ZBED4: variants seen among roughly 807,000 people sequenced by gnomAD.
ZBED4 encodes the protein zinc finger BED-type containing 4, also known as zinc finger BED domain-containing protein 4.
A neutral mutation model predicts 15.5 loss-of-function variants in ZBED4; 4 were observed. The observed-to-expected ratio is 0.26, with a 90% CI of 0.13 to 0.59. ZBED4 has a LOEUF of 0.59. Ranked by LOEUF, ZBED4 falls within the 20% of genes least tolerant of loss-of-function variation. The probability of loss-of-function intolerance (pLI) is 0.90; values close to 1 mark genes in which losing one functional copy is unlikely to be tolerated. For missense variants in ZBED4, 1,323 were observed against 1,461.8 expected, an observed-to-expected ratio of 0.91 and a Z score of 1.55; for synonymous variants, 692 against 608.5, an observed-to-expected ratio of 1.14 and a Z score of -2.02.
rs1196785501 is a variant in ZBED4, at chr22:49,885,122, GGAA to G, written c.1465_1467del (p.Lys489del). Reference sequence around the variant, plus strand: ...TACTGCGGCTGTGCCATCAGCCGGGGGAAGAAGGGTGATGTGGGCACCAGCTGC... The same window carrying G: ...TACTGCGGCTGTGCCATCAGCCGGGGGAAGGGTGATGTGGGCACCAGCTGC... On this transcript the variant is annotated inframe_deletion, in exon 2 of 2. Transcript: ENST00000216268. 1.9e-6 allele frequency: 3 copies of G among 1,614,214 alleles called. No homozygotes were observed.
chr22:49,859,584 C>T (rs915471271), intron 1 of ZBED4, among the ~76,000 whole-genome samples: 3 of 152,116 alleles, frequency 2.0e-5, no homozygotes, highest in Non-Finnish European at 2.9e-5. Flanking sequence ...ATCTGGACAC[C>T]GAGGTCCAGG....
intron 1 of ZBED4, among the ~76,000 whole-genome samples, chr22:49,875,814 C>A (rs2060373558): frequency 6.6e-6 from 1 of 152,138 alleles, no homozygotes. Context: ...TGTAGTGATA[C>A]TCCCTCTCTC....
Position 49,884,452 on chromosome 22 carries a change from G to A in ZBED4, c.790G>A (p.Asp264Asn), listed in dbSNP as rs748633146. The part of the protein sequence containing the change: ...SSPHLPALHY[D>N]EPAENLAEKS... ...TCCCCACCTCCCTGCTCTCCATTAC[G>A]ATGAACCTGCAGAGAACTTAGCGGA... Residue 264 changes from aspartate (D) to asparagine (N), a missense_variant, in exon 2 of 2, where the codon GAT becomes AAT. Physicochemically the swap from Asp to Asn is conservative, Grantham distance 23. Transcript: ENST00000216268. The A allele has an allele frequency of 5.5e-5, 89 of 1,614,190 alleles. 4 individuals are homozygous for A. In the South Asian group the frequency reaches 9.0e-4, roughly 16 times the overall value.
intron 1 of ZBED4, among the ~76,000 whole-genome samples, chr22:49,875,887 T>G (rs1282704046): frequency 2.0e-5 from 3 of 152,090 alleles, no homozygotes; most frequent in African/African-American, 7.2e-5. Context: ...TTGTAGAAGC[T>G]TATCAATTTT....
At position 49,883,712 on chromosome 22, in the gene ZBED4, C is replaced by T; in HGVS notation, c.50C>T (p.Ser17Phe). The change falls in exon 2 of 2, where the codon TCT (serine) becomes TTT (phenylalanine). Residue 17 changes from serine to phenylalanine, a missense_variant. Ser to Phe is a radical substitution (Grantham distance 155). This residue lies in a region of ZBED4 where 380 missense variants were observed against 413.7 expected (regional missense o/e 0.92). Coordinates refer to ENST00000216268, the MANE Select transcript of ZBED4 (RefSeq NM_014838.3). ...CCCAAAGAGGACGGTGATTTCGTTT[C>T]TGATAAAATAAAGTTTAAAATAGAA... ...TCPKEDGDFV[S>F]DKIKFKIEEE... is the part of the protein sequence containing the mutation. 1 of 1,605,580 alleles carries T rather than the reference C, an allele frequency of 6.2e-7. No homozygotes were observed. The highest frequency in any genetic ancestry group is 1.3e-5 in the African/African-American group (1 of 74,738).
intron 1 of ZBED4, among the ~76,000 whole-genome samples, chr22:49,882,118 G>A (rs570308414): frequency 6.6e-6 from 1 of 152,326 alleles, no homozygotes; most frequent in South Asian, 2.1e-4. Context: ...CATGGTGGAG[G>A]AATGTCGGGT....
chr22:49,873,021 G>A (rs1365564413), intron 1 of ZBED4, among the ~76,000 whole-genome samples: 1 of 152,124 alleles, frequency 6.6e-6, no homozygotes, highest in Non-Finnish European at 1.5e-5. Context: ...TGTAGAGCTG[G>A]GGTTTTGCCA....
intron 1 of ZBED4, among the ~76,000 whole-genome samples, chr22:49,875,110 A>G (rs2060369261): frequency 6.6e-6 from 1 of 152,100 alleles, no homozygotes; most frequent in African/African-American, 2.4e-5. Flanking sequence ...CTGTGCTCAT[A>G]GGGTATCAAG....
chr22:49,866,950 G>A (rs921194297), intron 1 of ZBED4, among the ~76,000 whole-genome samples: 1 of 152,154 alleles, frequency 6.6e-6, no homozygotes, highest in African/African-American at 2.4e-5. Context: ...TCCTTGGCTT[G>A]CATTGGTTTG....
chr22:49,885,883 C>A lies in ZBED4; in HGVS notation c.2221C>A (p.Arg741Ser). The A allele has an allele frequency of 8.3e-7, 1 of 1,208,506 alleles. No individual in the cohort carries two copies. The highest frequency in any genetic ancestry group is 1.2e-6 in the Non-Finnish European group (1 of 817,352). The allele number at this position is 1,208,506 out of a possible 1,614,324, so 74.9% of individuals were successfully genotyped here. A position where few individuals can be genotyped will look rare whatever the true frequency, so the allele number is the denominator to read the frequency against. ...TGGAATATGGATGAGTAACCAGACC[C>A]GTGAGTACCTGACCCTCACGGCCCA... ...TSGIWMSNQT[R>S]EYLTLTAHWV... Residue 741 changes from arginine (R) to serine (S), a missense_variant, in exon 2 of 2, where the codon CGT becomes AGT. Transcript: ENST00000216268.
intron 1 of ZBED4, among the ~76,000 whole-genome samples, chr22:49,869,121 CAA>C (rs113863967): frequency 3.3e-4 from 31 of 93,304 alleles, no homozygotes; most frequent in Admixed American, 4.7e-4. Flanking sequence ...AAAACTGTCT[CAA>C]AAAAAAAAAA....
chr22:49,857,057 C>T (rs977293124), intron 1 of ZBED4, among the ~76,000 whole-genome samples: 1 of 152,210 alleles, frequency 6.6e-6, no homozygotes, highest in Non-Finnish European at 1.5e-5. Flanking sequence ...GCCCTTCCTG[C>T]CTTGCCACCT....
chr22:49,871,315 C>T (rs866145475), intron 1 of ZBED4, among the ~76,000 whole-genome samples: 36 of 151,990 alleles, frequency 2.4e-4, no homozygotes, highest in African/African-American at 7.2e-4. Context: ...GGTGAAACCC[C>T]GTCACTACTA....
chr22:49,870,435 C>T (rs1296045152), intron 1 of ZBED4, among the ~76,000 whole-genome samples: 1 of 152,176 alleles, frequency 6.6e-6, no homozygotes, highest in African/African-American at 2.4e-5. Flanking sequence ...TCATTGACAT[C>T]CCTGCCAGCA....
chr22:49,858,461 G>C (rs2060283971), intron 1 of ZBED4, among the ~76,000 whole-genome samples: 1 of 152,198 alleles, frequency 6.6e-6, no homozygotes. Context: ...GAGAGTGCGT[G>C]TGCTCTGAGT....
chr22:49,869,730 C>T (rs1663542502), intron 1 of ZBED4, among the ~76,000 whole-genome samples: 2 of 152,186 alleles, frequency 1.3e-5, no homozygotes, highest in African/African-American at 2.4e-5. Context: ...CACGCATCCC[C>T]AGCTTCAGAA....
intron 1 of ZBED4, among the ~76,000 whole-genome samples, chr22:49,856,322 G>C (rs767944728): frequency 6.6e-6 from 1 of 152,226 alleles, no homozygotes; most frequent in Non-Finnish European, 1.5e-5. Context: ...GAGGAGCAGC[G>C]TAAACCAGAG....
intron 1 of ZBED4, among the ~76,000 whole-genome samples, chr22:49,865,863 CTTTT>C (rs112145673): frequency 7.2e-6 from 1 of 139,520 alleles, no homozygotes; most frequent in African/African-American, 2.6e-5. Context: ...TTCACATTTT[CTTTT>C]TTTTTTTTTT....
At chr22:49,878,870 C>A (rs1013144179) in intron 1 of ZBED4, among the ~76,000 whole-genome samples, 1 of 151,860 alleles carries the variant, frequency 6.6e-6, no homozygotes, top group South Asian at 2.1e-4. Flanking sequence ...GTGGGCCAGG[C>A]GTGGTGGCTC....
Sources: allele counts gnomAD v4.1 joint callset (sites outside exome capture counted in the v4.1 genomes callset), GRCh38; gene constraint gnomAD v4.1.1; regional missense constraint gnomAD v4.1.1; transcripts MANE v1.5; gene names NCBI Gene and HGNC (gene_info 2026-07-23, HGNC 2026-07-21).